The following N4BP2L2 variants were observed in gnomAD, a reference collection of about 807,000 sequenced individuals.
The protein encoded by N4BP2L2 is NEDD4 binding protein 2 like 2.
N4BP2L2 carries 50 observed loss-of-function variants against 56.2 expected under a neutral mutation model. That is an observed-to-expected ratio of 0.89 (90% CI 0.71 to 1.13). The LOEUF is 1.13. Among genes scored for constraint, N4BP2L2 ranks in the 50% most tolerant of loss-of-function variants. The probability of loss-of-function intolerance (pLI) is 0.00; values close to 1 mark genes in which losing one functional copy is unlikely to be tolerated. For missense variants in N4BP2L2, 689 were observed against 693.8 expected (o/e 0.99, Z 0.08); for synonymous variants, 203 against 223.6 (o/e 0.91, Z 0.82).
intron 6 of N4BP2L2, among the ~76,000 whole-genome samples, chr13:32,474,666 G>A (rs903945381): frequency 6.6e-6 from 1 of 152,126 alleles, no homozygotes; most frequent in Non-Finnish European, 1.5e-5. Context: ...CTGCACTCCG[G>A]CCTGGGCAAC....
intron 6 of N4BP2L2, among the ~76,000 whole-genome samples, chr13:32,502,736 C>T (rs2090235610): frequency 6.6e-6 from 1 of 152,192 alleles, no homozygotes; most frequent in African/African-American, 2.4e-5. Context: ...CTCTTTACAA[C>T]AATCCCTGAT....
intron 2 of N4BP2L2, among the ~76,000 whole-genome samples, chr13:32,534,846 T>C (rs977644726): frequency 6.6e-6 from 1 of 152,222 alleles, no homozygotes; most frequent in Non-Finnish European, 1.5e-5. Context: ...TCATCTTATA[T>C]AAACTCAAGA....
chr13:32,491,631 A>T (rs1390998046), intron 6 of N4BP2L2, among the ~76,000 whole-genome samples: 3 of 112,242 alleles, frequency 2.7e-5, no homozygotes, highest in South Asian at 2.9e-4. Context: ...ATATATATAT[A>T]TATATTTTTT....
intron 6 of N4BP2L2, among the ~76,000 whole-genome samples, chr13:32,480,271 A>G (rs1188360051): frequency 6.6e-6 from 1 of 152,224 alleles, no homozygotes; most frequent in Non-Finnish European, 1.5e-5. Context: ...TCTATTGACA[A>G]TATTGTTCAT....
chr13:32,537,025 C>T (rs1367687714), exon 2 of N4BP2L2: 2 of 1,520,086 alleles, frequency 1.3e-6, no homozygotes, highest in African/African-American at 1.4e-5. Flanking sequence ...CACCATAAGA[C>T]ATCTGAGAAA....
chr13:32,491,718 A>G (rs207640), intron 6 of N4BP2L2, among the ~76,000 whole-genome samples: 119,358 of 149,116 alleles, frequency 0.8, 47,995 homozygotes, highest in African/African-American at 0.83. Context: ...TGCAACCTCC[A>G]CCTCCCGGGT....
exon 6 of N4BP2L2, chr13:32,511,730 C>G (rs2048180392): frequency 6.6e-6 from 1 of 151,780 alleles, no homozygotes; most frequent in Non-Finnish European, 1.5e-5. Context: ...CCATCATCTT[C>G]ATTAAGAATG....
At chr13:32,536,054 T>G in exon 2 of N4BP2L2, 2 of 1,614,072 alleles carry the variant, frequency 1.2e-6, no homozygotes, top group Non-Finnish European at 1.7e-6. Flanking sequence ...GCAATTCCAG[T>G]TAACATGACA....
At chr13:32,492,082 A>C (rs955584899) in intron 6 of N4BP2L2, among the ~76,000 whole-genome samples, 1 of 152,154 alleles carries the variant, frequency 6.6e-6, no homozygotes, top group African/African-American at 2.4e-5. Context: ...GAAAAGCAAC[A>C]AATGACTTTC....
chr13:32,537,772 TA>T (rs1300308593), intron 1 of N4BP2L2, among the ~76,000 whole-genome samples: 1 of 152,134 alleles, frequency 6.6e-6, no homozygotes, highest in Non-Finnish European at 1.5e-5. Context: ...ATCACGAAGA[TA>T]AAATTTGCTT....
chr13:32,524,335 A>G (rs2051998412), intron 3 of N4BP2L2: 1 of 152,240 alleles, frequency 6.6e-6, no homozygotes, highest in South Asian at 2.1e-4. Flanking sequence ...GTGTTCCAGA[A>G]AAGAAGTTTT....
At chr13:32,436,075 T>C (rs1177260173) in intron 9 of N4BP2L2, among the ~76,000 whole-genome samples, 3 of 152,188 alleles carry the variant, frequency 2.0e-5, no homozygotes, top group African/African-American at 4.8e-5. Context: ...GTCTCATAAA[T>C]TGTGTGTTGA....
exon 6 of N4BP2L2, chr13:32,513,740 T>G (rs2048613524): frequency 6.6e-6 from 1 of 152,124 alleles, no homozygotes; most frequent in Non-Finnish European, 1.5e-5. Flanking sequence ...CTGTTCAATG[T>G]GGATTGCAAA....
intron 6 of N4BP2L2, among the ~76,000 whole-genome samples, chr13:32,460,672 A>C (rs560174081): frequency 1.3e-5 from 2 of 152,320 alleles, no homozygotes; most frequent in Non-Finnish European, 2.9e-5. Flanking sequence ...AGCAACCTAC[A>C]GATTCAATGT....
At chr13:32,513,003 G>A (rs947044367) in exon 6 of N4BP2L2, 1 of 151,714 alleles carries the variant, frequency 6.6e-6, no homozygotes, top group African/African-American at 2.4e-5. Context: ...CTGGACTCCA[G>A]CCTGGGCAAC....
exon 7 of N4BP2L2, chr13:32,442,710 T>G (rs751445313): frequency 6.2e-7 from 1 of 1,613,756 alleles, no homozygotes; most frequent in Non-Finnish European, 8.5e-7. Context: ...TTGTAAAAGA[T>G]GGCTTCCAAA....
At chr13:32,534,142 T>C (rs1381445434) in intron 2 of N4BP2L2, among the ~76,000 whole-genome samples, 2 of 152,338 alleles carry the variant, frequency 1.3e-5, no homozygotes, top group South Asian at 2.1e-4. Flanking sequence ...TTTTTATATA[T>C]GAAAATACTC....
chr13:32,469,631 G>T, intron 6 of N4BP2L2, among the ~76,000 whole-genome samples: 1 of 152,212 alleles, frequency 6.6e-6, no homozygotes, highest in Admixed American at 6.5e-5. Context: ...AGCGTCTGGG[G>T]GGTCCCCTCC....
chr13:32,468,451 G>C (rs1456352794), intron 6 of N4BP2L2, among the ~76,000 whole-genome samples: 1 of 152,148 alleles, frequency 6.6e-6, no homozygotes, highest in Non-Finnish European at 1.5e-5. Context: ...TCTTTCCTTT[G>C]TTCTGTCAAT....
Sources: gnomAD v4.1 joint callset for allele counts (sites outside exome capture counted in the v4.1 genomes callset) on GRCh38, gnomAD v4.1.1 for gene constraint, MANE v1.5 for transcripts, NCBI Gene and HGNC (gene_info 2026-07-23, HGNC 2026-07-21) for gene names.